The following SORBS2 variants were observed in gnomAD, a reference collection of about 807,000 sequenced individuals.
SORBS2 encodes sorbin and SH3 domain-containing protein 2.
A neutral mutation model predicts 97.7 loss-of-function variants in SORBS2; 46 were observed. That is an observed-to-expected ratio of 0.47 (90% CI 0.37 to 0.60). SORBS2 has a LOEUF of 0.60. Among genes scored for constraint, SORBS2 ranks in the 20% least tolerant of loss-of-function variants. The pLI is 0.00. For synonymous variants in SORBS2, 476 were observed against 473.4 expected, an observed-to-expected ratio of 1.01 and a Z score of -0.07; for missense variants, 1,316 against 1,282.3, an observed-to-expected ratio of 1.03 and a Z score of -0.40.
intron 1 of SORBS2, among the ~76,000 whole-genome samples, chr4:185,897,621 C>A (rs2099245662): frequency 6.6e-6 from 1 of 152,150 alleles, no homozygotes; most frequent in Admixed American, 6.5e-5. Context: ...TTCTCCTAGG[C>A]CCTGACACAA....
intron 1 of SORBS2, among the ~76,000 whole-genome samples, chr4:185,841,302 C>G (rs530843852): frequency 3.9e-5 from 6 of 152,210 alleles, no homozygotes; most frequent in Admixed American, 1.3e-4. Context: ...CAATGAGGGC[C>G]TAAGTGGAGG....
chr4:185,861,007 C>G (rs1212445782), intron 1 of SORBS2, among the ~76,000 whole-genome samples: 1 of 152,106 alleles, frequency 6.6e-6, no homozygotes, highest in Non-Finnish European at 1.5e-5. Flanking sequence ...CAGACTTTCC[C>G]CATGAGACAG....
chr4:185,740,746 C>G (rs1286772648), intron 2 of SORBS2, among the ~76,000 whole-genome samples: 1 of 152,066 alleles, frequency 6.6e-6, no homozygotes, highest in East Asian at 1.9e-4. Context: ...CTCAGCCCAG[C>G]ACCAGCTCAG....
At chr4:185,859,890 G>A (rs2099222709) in intron 1 of SORBS2, among the ~76,000 whole-genome samples, 3 of 152,198 alleles carry the variant, frequency 2.0e-5, no homozygotes, top group Admixed American at 2.0e-4. Flanking sequence ...CAATGAACAG[G>A]TAAAGAAGCA....
Position 185,638,109 on chromosome 4 carries a change from T to A in SORBS2, c.397-7511A>T. 2.5e-6 allele frequency: 4 copies of A among 1,611,006 alleles called. No individual in the cohort carries two copies. In the Middle Eastern group the frequency reaches 6.6e-4, roughly 266 times the overall value. On this transcript the variant is annotated intron_variant, in intron 4 of 14. Coordinates refer to ENST00000418609, the Ensembl canonical transcript of SORBS2. ...GTCCAAACTCCAGTTCTGAAAAGAA[T>A]TTATACCAGGGCTCATTTTCTAAAT...
chr4:185,611,364 T>C (rs2096535092), intron 12 of SORBS2, among the ~76,000 whole-genome samples: 1 of 151,656 alleles, frequency 6.6e-6, no homozygotes, highest in Admixed American at 6.6e-5. Context: ...TGTATATACA[T>C]GTATGAATAT....
At chr4:185,767,113 G>C (rs916974298) in intron 2 of SORBS2, among the ~76,000 whole-genome samples, 2 of 152,022 alleles carry the variant, frequency 1.3e-5, no homozygotes, top group Non-Finnish European at 2.9e-5. Flanking sequence ...TCCCGTGCTT[G>C]TTTTTCTCTC....
At chr4:185,653,873 A>G (rs1250464537) in intron 1 of SORBS2, among the ~76,000 whole-genome samples, 1 of 152,168 alleles carries the variant, frequency 6.6e-6, no homozygotes, top group Non-Finnish European at 1.5e-5. Flanking sequence ...GTAACTAAAC[A>G]CACCAGACGT....
intron 8 of SORBS2, among the ~76,000 whole-genome samples, chr4:185,619,829 C>A (rs976870394): frequency 6.6e-6 from 1 of 152,136 alleles, no homozygotes; most frequent in Admixed American, 6.5e-5. Context: ...CTCGGAGAAG[C>A]CTCATGGCCA....
chr4:185,874,866 T>TTTTTTTTTTTTCTTTTTTTTTTTTTTGC (rs775209042), intron 1 of SORBS2, among the ~76,000 whole-genome samples: 1 of 113,444 alleles, frequency 8.8e-6, no homozygotes, highest in Non-Finnish European at 2.0e-5. Context: ...TGATTTTTTT[T>TTTTTTTTTTTTCTTTTTTTTTTTTTTGC]TTTTTTGCAT....
At chr4:185,722,621 G>A in intron 2 of SORBS2, among the ~76,000 whole-genome samples, 1 of 152,272 alleles carries the variant, frequency 6.6e-6, no homozygotes, top group East Asian at 1.9e-4. Flanking sequence ...TTCTGAGACA[G>A]AATTTTGAGA....
chr4:185,849,370 A>G (rs2099216472), intron 1 of SORBS2, among the ~76,000 whole-genome samples: 1 of 152,186 alleles, frequency 6.6e-6, no homozygotes, highest in African/African-American at 2.4e-5. Context: ...CTTAATGAAA[A>G]AAGTCTTTTT....
intron 1 of SORBS2, among the ~76,000 whole-genome samples, chr4:185,777,018 A>G (rs2099003493): frequency 6.6e-6 from 1 of 152,198 alleles, no homozygotes; most frequent in Non-Finnish European, 1.5e-5. Context: ...AGACACTGAA[A>G]TAGATTATGG....
intron 2 of SORBS2, among the ~76,000 whole-genome samples, chr4:185,723,504 C>G (rs1303173536): frequency 2.0e-5 from 3 of 152,176 alleles, no homozygotes; most frequent in Non-Finnish European, 2.9e-5. Context: ...GAAGAAAGGA[C>G]AGCCCGTACC....
chr4:185,623,885 G>T lies in SORBS2; in HGVS notation c.1244C>A (p.Ser415Tyr). ...CTTCTGGATCAGCTTTTCGAATTCG[G>T]AGATGCGTGTGGGCACCATGTCCCG... Residue 415 changes from serine to tyrosine, a missense_variant, in exon 7 of 15, where the codon TCC becomes TAC. Transcript: ENST00000418609. This position sits in a 1 kb window ranked among gnomAD's most constrained non-coding sequence, Gnocchi z 6.4. 6.2e-7 allele frequency: 1 copy of T among 1,614,166 alleles called. No homozygotes were observed. The highest frequency in any genetic ancestry group is 8.5e-7 in the Non-Finnish European group (1 of 1,180,042).
chr4:185,624,240 C>A, exon 7 of SORBS2: 1 of 1,614,194 alleles, frequency 6.2e-7, no homozygotes, highest in Non-Finnish European at 8.5e-7. Flanking sequence ...GGGAAGCTAT[C>A]GCAGTCGTCG....
intron 2 of SORBS2, among the ~76,000 whole-genome samples, chr4:185,700,338 G>T (rs2098242780): frequency 6.7e-6 from 1 of 148,186 alleles, no homozygotes; most frequent in Non-Finnish European, 1.5e-5. Context: ...CTCTAGGCAG[G>T]CTTTGGAGGC....
intron 2 of SORBS2, among the ~76,000 whole-genome samples, chr4:185,686,917 T>C (rs11132333): frequency 0.51 from 78,328 of 152,108 alleles, 20,885 homozygotes; most frequent in Admixed American, 0.67. Context: ...ATGAACTACT[T>C]GCTTGGGGCA....
chr4:185,644,448 A>G (rs1476910185), intron 4 of SORBS2, among the ~76,000 whole-genome samples: 1 of 152,202 alleles, frequency 6.6e-6, no homozygotes, highest in Non-Finnish European at 1.5e-5. Context: ...CTGCAAAATC[A>G]TCAAATAAGG....
Sources: gnomAD v4.1 joint callset for allele counts (sites outside exome capture counted in the v4.1 genomes callset) on GRCh38, gnomAD v4.1.1 for gene constraint, Gnocchi (gnomAD v3.1) non-coding constraint, MANE v1.5 for transcripts, NCBI Gene and HGNC (gene_info 2026-07-23, HGNC 2026-07-21) for gene names.